The following RALGAPA2 variants were observed in gnomAD, a reference collection of about 807,000 sequenced individuals.
RALGAPA2 encodes Ral GTPase activating protein catalytic subunit alpha 2, also known as ral GTPase-activating protein subunit alpha-2.
In RALGAPA2, 139 loss-of-function variants were observed where a neutral mutation model predicts 230.4. The ratio of observed to expected loss-of-function variants is 0.60; its 90% CI spans 0.53 to 0.69. The LOEUF (loss-of-function observed/expected upper bound fraction) is 0.69. Among genes scored for constraint, RALGAPA2 ranks in the 30% least tolerant of loss-of-function variants. The pLI is 0.00. For synonymous variants in RALGAPA2, 847 were observed against 837.8 expected (o/e 1.01, Z -0.19); for missense variants, 2,163 against 2,276.0 (o/e 0.95, Z 1.01).
chr20:20,433,344 C>A (rs2060538502), intron 37 of RALGAPA2, among the ~76,000 whole-genome samples: 1 of 152,062 alleles, frequency 6.6e-6, no homozygotes, highest in African/African-American at 2.4e-5. Context: ...GGTGGTTGGG[C>A]AGGGAGGGGC....
intron 1 of RALGAPA2, among the ~76,000 whole-genome samples, chr20:20,692,751 T>A (rs944820226): frequency 6.6e-6 from 1 of 152,274 alleles, no homozygotes; most frequent in East Asian, 1.9e-4. Flanking sequence ...GCTGTGGGCA[T>A]TTTGCCACCC....
chr20:20,500,489 C>T (rs1269118920), intron 35 of RALGAPA2, among the ~76,000 whole-genome samples: 1 of 152,212 alleles, frequency 6.6e-6, no homozygotes, highest in East Asian at 1.9e-4. Context: ...AACTTTTCAT[C>T]CAGTCAAATT....
chr20:20,618,020 A>G (rs1310810398), intron 12 of RALGAPA2, among the ~76,000 whole-genome samples: 1 of 152,160 alleles, frequency 6.6e-6, no homozygotes, highest in East Asian at 1.9e-4. Flanking sequence ...AGCAAGATAT[A>G]AAAAAATTTT....
chr20:20,604,441 A>G (rs181331071), intron 15 of RALGAPA2, among the ~76,000 whole-genome samples: 59 of 152,358 alleles, frequency 3.9e-4, no homozygotes, highest in Non-Finnish European at 6.8e-4. Flanking sequence ...AAGCATTCAG[A>G]ATTTCTCCAC....
At chr20:20,543,367 A>T (rs1482212170) in intron 24 of RALGAPA2, among the ~76,000 whole-genome samples, 3 of 151,768 alleles carry the variant, frequency 2.0e-5, no homozygotes, top group African/African-American at 7.3e-5. Context: ...AATTTATAAG[A>T]AAAAACCACT....
rs1169338468 is a variant in RALGAPA2, at chr20:20,589,315, TA to T, written c.2391del (p.Ile798PhefsTer8). ...TQNSSSSEPQ[P>X]IQENKGHVKR... ...TTCACATGTCCTTTATTCTCTTGAA[TA>T]GGCTGAGGCTCTGAAGAACTCGAAT... On this transcript the variant is annotated frameshift_variant, in exon 18 of 40. Coordinates refer to ENST00000202677, the MANE Select transcript of RALGAPA2 (RefSeq NM_020343.4). LOFTEE classifies it high-confidence loss of function. 1 of 1,591,372 alleles carries T rather than the reference TA, an allele frequency of 6.3e-7. No individual in the cohort carries two copies. The highest frequency in any genetic ancestry group is 8.6e-7 in the Non-Finnish European group (1 of 1,167,250).
chr20:20,422,892 T>C (rs2060306437), intron 37 of RALGAPA2, among the ~76,000 whole-genome samples: 1 of 152,198 alleles, frequency 6.6e-6, no homozygotes, highest in South Asian at 2.1e-4. Flanking sequence ...GTGGAGCGAT[T>C]CATGGGAATG....
chr20:20,573,778 C>A (rs1434390928), intron 20 of RALGAPA2, among the ~76,000 whole-genome samples: 2 of 152,158 alleles, frequency 1.3e-5, no homozygotes, highest in African/African-American at 4.8e-5. Context: ...TATCAGTTGT[C>A]TCTTCTTATT....
chr20:20,430,768 G>A (rs763463333), intron 37 of RALGAPA2, among the ~76,000 whole-genome samples: 3 of 152,140 alleles, frequency 2.0e-5, no homozygotes, highest in Non-Finnish European at 2.9e-5. Flanking sequence ...GAAACATCAC[G>A]TATGTACATC....
chr20:20,447,417 C>T (rs1471929114), intron 37 of RALGAPA2, among the ~76,000 whole-genome samples: 1 of 152,092 alleles, frequency 6.6e-6, no homozygotes, highest in Non-Finnish European at 1.5e-5. Flanking sequence ...CGAAGAGAGG[C>T]CAAAATGGTT....
chr20:20,679,439 T>C (rs545974829), intron 2 of RALGAPA2, among the ~76,000 whole-genome samples: 4 of 152,288 alleles, frequency 2.6e-5, no homozygotes, highest in Admixed American at 2.6e-4. Flanking sequence ...TTCCAATTGG[T>C]GTTCTTGCCT....
chr20:20,548,556 A>T (rs1460931686), intron 23 of RALGAPA2, among the ~76,000 whole-genome samples: 2 of 152,164 alleles, frequency 1.3e-5, no homozygotes, highest in African/African-American at 4.8e-5. Context: ...TAAGTGAAAA[A>T]GGAAGGAAGG....
intron 37 of RALGAPA2, among the ~76,000 whole-genome samples, chr20:20,429,958 A>G (rs1396186541): frequency 6.6e-6 from 1 of 152,220 alleles, no homozygotes; most frequent in Non-Finnish European, 1.5e-5. Context: ...GAAGGTAGAA[A>G]TTCAGGCCTG....
At chr20:20,595,199 T>C (rs1483286751) in intron 16 of RALGAPA2, among the ~76,000 whole-genome samples, 1 of 152,218 alleles carries the variant, frequency 6.6e-6, no homozygotes, top group Non-Finnish European at 1.5e-5. Context: ...ACTCACTTTT[T>C]AAGTCTTCCT....
intron 20 of RALGAPA2, among the ~76,000 whole-genome samples, chr20:20,575,955 G>A (rs1475273615): frequency 2.0e-5 from 3 of 151,928 alleles, no homozygotes; most frequent in African/African-American, 7.3e-5. Context: ...TCACTCTACT[G>A]TCTTTAATAA....
At chr20:20,436,062 C>G (rs1448954086) in intron 37 of RALGAPA2, among the ~76,000 whole-genome samples, 1 of 152,180 alleles carries the variant, frequency 6.6e-6, no homozygotes, top group Non-Finnish European at 1.5e-5. Flanking sequence ...TTCATATGGT[C>G]TAACCCTAAT....
At chr20:20,655,633 C>A (rs927682472) in intron 3 of RALGAPA2, among the ~76,000 whole-genome samples, 1 of 152,042 alleles carries the variant, frequency 6.6e-6, no homozygotes, top group Non-Finnish European at 1.5e-5. Flanking sequence ...AGGCTGGGGG[C>A]TTAATGTCCT....
intron 37 of RALGAPA2, among the ~76,000 whole-genome samples, chr20:20,432,261 T>G (rs192850156): frequency 1.4e-4 from 22 of 152,290 alleles, no homozygotes; most frequent in Admixed American, 1.4e-3. Flanking sequence ...GACTGTCTCA[T>G]TGTGCCTGTA....
intron 7 of RALGAPA2, 145 bp downstream of exon 7, chr20:20,639,640 T>C: frequency 1.6e-6 from 1 of 616,064 alleles, no homozygotes. Flanking sequence ...TGGTACACAC[T>C]CTGCATTTGC....
Sources: allele counts gnomAD v4.1 joint callset (sites outside exome capture counted in the v4.1 genomes callset), GRCh38; gene constraint gnomAD v4.1.1; transcripts MANE v1.5; gene names NCBI Gene and HGNC (gene_info 2026-07-23, HGNC 2026-07-21).